FOXC1: variants seen among roughly 807,000 people sequenced by gnomAD.
The protein encoded by FOXC1 is forkhead box protein C1.
In FOXC1, 5 loss-of-function variants were observed where a neutral mutation model predicts 8.1. That is an observed-to-expected ratio of 0.62 (90% confidence interval 0.32 to 1.30). The LOEUF is 1.30. FOXC1 is among the 50% of genes most tolerant of loss of function. The pLI is 0.05. For missense variants in FOXC1, 942 were observed against 858.0 expected, an observed-to-expected ratio of 1.10 and a Z score of -1.22; for synonymous variants, 552 against 417.2, an observed-to-expected ratio of 1.32 and a Z score of -3.94.
At position 1,610,356 on chromosome 6, in the gene FOXC1, G is replaced by A. The variant is rs2113110330; in HGVS notation, c.-90G>A. 2 of 722,744 alleles carry A rather than the reference G, an allele frequency of 2.8e-6. No homozygotes were observed. Among genetic ancestry groups the A allele is most frequent in the Non-Finnish European group, 3.4e-6 (2 of 591,646 alleles). 44.8% of individuals were successfully genotyped at this position (722,744 alleles called of 1,614,324 possible). ...GGCCGGCACCAGCTCGGCCGGGCCC[G>A]GACTCGGACTCGGCGGCCGGCGCGG... On this transcript the variant is annotated 5_prime_UTR_variant, in exon 1 of 1. Coordinates refer to ENST00000645831, the MANE Select transcript of FOXC1 (RefSeq NM_001453.3).
At position 1,612,375 on chromosome 6, in the gene FOXC1, A is replaced by G; in HGVS notation, c.*268A>G. On this transcript the variant is annotated 3_prime_UTR_variant, in exon 1 of 1. Transcript: ENST00000645831. ...AACCCGTAAACTGTTTTATACAGAGACAGCAAAATCTTGGTTTATTAAAGG... is the reference window on the plus strand; with the variant it reads ...AACCCGTAAACTGTTTTATACAGAGGCAGCAAAATCTTGGTTTATTAAAGG... The G allele has an allele frequency of 1.7e-6, 1 of 592,166 alleles. No individual in the cohort carries two copies. 36.7% of individuals were successfully genotyped at this position (592,166 alleles called of 1,614,324 possible).
At position 1,611,377 on chromosome 6, in the gene FOXC1, A is replaced by G; in HGVS notation, c.932A>G (p.Asp311Gly). The G allele has an allele frequency of 6.9e-7, 1 of 1,447,602 alleles. No individual in the cohort carries two copies. Among genetic ancestry groups the G allele is most frequent in the Non-Finnish European group, 9.1e-7 (1 of 1,101,816 alleles). The allele number at this position is 1,447,602 out of a possible 1,614,324, so 89.7% of individuals were successfully genotyped here. The change falls in exon 1 of 1, where the codon GAC (aspartate) becomes GGC (glycine). Residue 311 changes from aspartate to glycine, a missense_variant. Around this residue, in one of 4 missense-constraint regions of FOXC1, gnomAD observed 726 missense variants for 599.6 expected, o/e 1.21. Coordinates refer to ENST00000645831, the MANE Select transcript of FOXC1 (RefSeq NM_001453.3). This position sits in a 1 kb window ranked among gnomAD's most constrained non-coding sequence, Gnocchi z 7.1. Reference protein sequence around the residue: ...PPHHSQGFSVDNIMTSLRGSP... With the variant: ...PPHHSQGFSVGNIMTSLRGSP... ...CACCATAGCCAGGGCTTCAGCGTGG[A>G]CAACATCATGACGTCGCTGCGGGGG...
In FOXC1 at chr6:1,610,076, C is replaced by T. The variant is rs948567781; in HGVS notation, c.-370C>T. ...TCGCCGGCAGCTCAGGGCAGAGTCT[C>T]CTGGAAGGCGCAGGCAGTGTGGCGA... On this transcript the variant is annotated 5_prime_UTR_variant, in exon 1 of 1. Transcript: ENST00000645831. 2 of 142,816 alleles carry T rather than the reference C, an allele frequency of 1.4e-5. No individual in the cohort carries two copies. Among genetic ancestry groups the T allele is most frequent in the Admixed American group, 7.0e-5 (1 of 14,286 alleles). 8.8% of individuals were successfully genotyped at this position (142,816 alleles called of 1,614,324 possible).
chr6:1,611,906 C>CGCGGCGGCG lies in FOXC1; in HGVS notation c.1473_1481dup (p.Ala493_Ala495dup), dbSNP rs747574884. ...GCGGAGACCTGGGCCACTTGGCGAG[C>CGCGGCGGCG]GCGGCGGCGGCGGCGGCGGCCGCAG... On this transcript the variant is annotated inframe_insertion, in exon 1 of 1. Coordinates refer to ENST00000645831, the MANE Select transcript of FOXC1 (RefSeq NM_001453.3). This position sits in a 1 kb window ranked among gnomAD's most constrained non-coding sequence, Gnocchi z 7.1. 158 of 1,536,666 alleles carry CGCGGCGGCG rather than the reference C, an allele frequency of 1.0e-4. No individual in the cohort carries two copies. In the South Asian group the frequency reaches 1.2e-3, roughly 11 times the overall value.
rs1762520770 is a variant in FOXC1, at chr6:1,610,703, C to T, written c.258C>T (p.Leu86=). 6.2e-7 allele frequency: 1 copy of T among 1,614,024 alleles called. No homozygotes were observed. The highest frequency in any genetic ancestry group is 1.3e-5 in the African/African-American group (1 of 75,020). ...AGCCGCCCTATAGCTACATCGCGCT[C>T]ATCACCATGGCCATCCAGAACGCCC... ...MVKPPYSYIA[L]ITMAIQNAPD... is the part of the protein sequence containing the mutation. The change falls in exon 1 of 1, where the codon CTC becomes CTT. Residue 86 remains leucine, a synonymous_variant. Coordinates refer to ENST00000645831, the MANE Select transcript of FOXC1 (RefSeq NM_001453.3).
At position 1,612,854 on chromosome 6, in the gene FOXC1, G is replaced by A. The variant is rs977543159; in HGVS notation, c.*747G>A. On this transcript the variant is annotated 3_prime_UTR_variant, in exon 1 of 1. Transcript: ENST00000645831. ...CTATATGTCTGGATACTTTAATAGAGCTTTAATTATTACGAAAAAAGATTT... is the reference window on the plus strand; with the variant it reads ...CTATATGTCTGGATACTTTAATAGAACTTTAATTATTACGAAAAAAGATTT... 3 of 212,676 alleles carry A rather than the reference G, an allele frequency of 1.4e-5. No individual in the cohort carries two copies. Among genetic ancestry groups the A allele is most frequent in the Non-Finnish European group, 2.1e-5 (2 of 96,098 alleles). The allele number at this position is 212,676 out of a possible 1,614,324, so 13.2% of individuals were successfully genotyped here. A position where few individuals can be genotyped will look rare whatever the true frequency, so the allele number is the denominator to read the frequency against.
Position 1,612,200 on chromosome 6 carries a change from AATT to A in FOXC1, c.*95_*97del. ...AATCGAAACTAAAAAAAAAAAATCC[AATT>A]AAAAAAAACCCCTGAGAATATTCAC... is the stretch of plus-strand genomic sequence containing the variant. On this transcript the variant is annotated 3_prime_UTR_variant, in exon 1 of 1. Coordinates refer to ENST00000645831, the MANE Select transcript of FOXC1 (RefSeq NM_001453.3). 1 of 1,568,576 alleles carries A rather than the reference AATT, an allele frequency of 6.4e-7. No individual in the cohort carries two copies. The highest frequency in any genetic ancestry group is 8.6e-7 in the Non-Finnish European group (1 of 1,156,864).
chr6:1,610,500 C>T lies in FOXC1; in HGVS notation c.55C>T (p.Leu19Phe), dbSNP rs1180074594. ...CAACTCCCTGGGAGTGGTGCCCTAC[C>T]TCGGCGGCGAGCAGAGCTACTACCG... ...SPNSLGVVPY[L>F]GGEQSYYRAA... The change falls in exon 1 of 1, where the codon CTC becomes TTC. Residue 19 changes from leucine to phenylalanine, a missense_variant. By Grantham distance (22) the Leu-to-Phe change is conservative. This residue lies in a region of FOXC1 where 190 missense variants were observed against 176.8 expected (regional missense o/e 1.07). Transcript: ENST00000645831. 2 of 1,506,142 alleles carry T rather than the reference C, an allele frequency of 1.3e-6. No homozygotes were observed. Among genetic ancestry groups the T allele is most frequent in the Non-Finnish European group, 1.8e-6 (2 of 1,129,150 alleles). 93.3% of individuals were successfully genotyped at this position (1,506,142 alleles called of 1,614,324 possible).
At position 1,611,470 on chromosome 6, in the gene FOXC1, C is replaced by T. The variant is rs773600190; in HGVS notation, c.1025C>T (p.Ala342Val). The T allele has an allele frequency of 1.0e-5, 14 of 1,382,522 alleles. No homozygotes were observed. Among genetic ancestry groups the T allele is most frequent in the Middle Eastern group, 2.6e-4 (1 of 3,810 alleles). 85.6% of individuals were successfully genotyped at this position (1,382,522 alleles called of 1,614,324 possible). A position where few individuals can be genotyped will look rare whatever the true frequency, so the allele number is the denominator to read the frequency against. Residue 342 changes from alanine (A) to valine (V), a missense_variant, in exon 1 of 1, where the codon GCG becomes GTG. Physicochemically the swap from Ala to Val is moderately conservative, Grantham distance 64. Transcript: ENST00000645831. This position sits in a 1 kb window ranked among gnomAD's most constrained non-coding sequence, Gnocchi z 7.1. ...LLASAAASSR[A>V]GIAPPLALGA... Reference sequence around the variant, plus strand: ...GCCTCGGCGGCCGCGTCCTCGCGCGCGGGGATCGCACCCCCGCTGGCGCTC... The same window carrying T: ...GCCTCGGCGGCCGCGTCCTCGCGCGTGGGGATCGCACCCCCGCTGGCGCTC...
rs975290027 is a variant in FOXC1 at position 1,611,584 on chromosome 6, GCGCGGGGGC to G, written c.1148_1156del (p.Ala383_Gly385del). On this transcript the variant is annotated inframe_deletion, in exon 1 of 1. Transcript: ENST00000645831. The surrounding 1 kb of genome is among the most constrained non-coding windows in gnomAD (Gnocchi z 7.1). Reference sequence around the variant, plus strand: ...GGCAGCTCGGGCGGCGGCGGCGGCGGCGCGGGGGCCGCGGGGGGCGCGGGCGGCGCCGGG... The same window carrying G: ...GGCAGCTCGGGCGGCGGCGGCGGCGGCGCGGGGGGCGCGGGCGGCGCCGGG... The G allele has an allele frequency of 1.5e-5, 18 of 1,164,172 alleles. No homozygotes were observed. Among genetic ancestry groups the G allele is most frequent in the African/African-American group, 8.2e-5 (5 of 61,164 alleles). The allele number at this position is 1,164,172 out of a possible 1,614,324, so 72.1% of individuals were successfully genotyped here.
rs1240129693 is a variant in FOXC1 at position 1,613,624 on chromosome 6, T to TC, written c.*1522dup. 1.4e-5 allele frequency: 3 copies of TC among 207,410 alleles called. No individual in the cohort carries two copies. Among genetic ancestry groups the TC allele is most frequent in the African/African-American group, 7.1e-5 (3 of 42,490 alleles). The allele number at this position is 207,410 out of a possible 1,614,324, so 12.8% of individuals were successfully genotyped here. A position where few individuals can be genotyped will look rare whatever the true frequency, so the allele number is the denominator to read the frequency against. On this transcript the variant is annotated 3_prime_UTR_variant, in exon 1 of 1. Coordinates refer to ENST00000645831, the MANE Select transcript of FOXC1 (RefSeq NM_001453.3). ...CCTAGGGGACAATCCGGATTGGCCC[T>TC]CCCCCTTTTGTAAATAACCCAGGAA...
In FOXC1 at chr6:1,610,422, G is replaced by T. The variant is rs988714318; in HGVS notation, c.-24G>T. On this transcript the variant is annotated 5_prime_UTR_variant, in exon 1 of 1. Coordinates refer to ENST00000645831, the MANE Select transcript of FOXC1 (RefSeq NM_001453.3). ...GCGAGGGTGGGGGGCGGCGGGCGGCGCGGGGCGGCGGCGAGCGGGGGCCAT... is the reference window on the plus strand; with the variant it reads ...GCGAGGGTGGGGGGCGGCGGGCGGCTCGGGGCGGCGGCGAGCGGGGGCCAT... 2.4e-6 allele frequency: 3 copies of T among 1,235,252 alleles called. No individual in the cohort carries two copies. The highest frequency in any genetic ancestry group is 1.6e-5 in the African/African-American group (1 of 62,980). 76.5% of individuals were successfully genotyped at this position (1,235,252 alleles called of 1,614,324 possible).
Position 1,612,323 on chromosome 6 carries a change from C to CT in FOXC1, c.*217dup. 1.4e-6 allele frequency: 1 copy of CT among 700,970 alleles called. No individual in the cohort carries two copies. The highest frequency in any genetic ancestry group is 2.7e-5 in the East Asian group (1 of 36,968). 43.4% of individuals were successfully genotyped at this position (700,970 alleles called of 1,614,324 possible). A position where few individuals can be genotyped will look rare whatever the true frequency, so the allele number is the denominator to read the frequency against. On this transcript the variant is annotated 3_prime_UTR_variant, in exon 1 of 1. Coordinates refer to ENST00000645831, the MANE Select transcript of FOXC1 (RefSeq NM_001453.3). ...TCTTAACCGATTAATTCAGAGCCACCTCCACTTTGCCTTGTCTAAATAAAC... is the reference window on the plus strand; with the variant it reads ...TCTTAACCGATTAATTCAGAGCCACCTTCCACTTTGCCTTGTCTAAATAAAC...
chr6:1,611,292 C>T lies in FOXC1; in HGVS notation c.847C>T (p.Leu283Phe). 1 of 1,391,538 alleles carries T rather than the reference C, an allele frequency of 7.2e-7. No homozygotes were observed. The highest frequency in any genetic ancestry group is 9.3e-7 in the Non-Finnish European group (1 of 1,074,352). The allele number at this position is 1,391,538 out of a possible 1,614,324, so 86.2% of individuals were successfully genotyped here. ...GGGCAGCCTGCCGTCGGCGCGGCCG[C>T]TCAGCCTGGACGGTGCGGATTCCGC... Reference protein sequence around the residue: ...PPGSLPSARPLSLDGADSAPP... With the variant: ...PPGSLPSARPFSLDGADSAPP... Residue 283 changes from leucine (L) to phenylalanine (F), a missense_variant, in exon 1 of 1, where the codon CTC becomes TTC. Coordinates refer to ENST00000645831, the MANE Select transcript of FOXC1 (RefSeq NM_001453.3). The surrounding 1 kb of genome is among the most constrained non-coding windows in gnomAD (Gnocchi z 7.1).
At position 1,611,961 on chromosome 6, in the gene FOXC1, T is replaced by C; in HGVS notation, c.1516T>C (p.Ser506Pro). 1 of 1,604,848 alleles carries C rather than the reference T, an allele frequency of 6.2e-7. No individual in the cohort carries two copies. Among genetic ancestry groups the C allele is most frequent in the Non-Finnish European group, 8.5e-7 (1 of 1,175,780 alleles). ...CCCGGGCCAGCAGCAGAACTTCCACTCGGTGCGGGAGATGTTCGAGTCACA... is the reference window on the plus strand; with the variant it reads ...CCCGGGCCAGCAGCAGAACTTCCACCCGGTGCGGGAGATGTTCGAGTCACA... ...GYPGQQQNFH[S>P]VREMFESQRI... is the part of the protein sequence containing the mutation. Residue 506 changes from serine (S) to proline (P), a missense_variant, in exon 1 of 1, where the codon TCG becomes CCG. This residue lies in a region of FOXC1 where 726 missense variants were observed against 599.6 expected (regional missense o/e 1.21). Transcript: ENST00000645831. This position sits in a 1 kb window ranked among gnomAD's most constrained non-coding sequence, Gnocchi z 7.1.
At position 1,610,706 on chromosome 6, in the gene FOXC1, C is replaced by T; in HGVS notation, c.261C>T (p.Ile87=). The T allele has an allele frequency of 6.2e-7, 1 of 1,614,028 alleles. No homozygotes were observed. The highest frequency in any genetic ancestry group is 8.5e-7 in the Non-Finnish European group (1 of 1,180,012). ...CGCCCTATAGCTACATCGCGCTCAT[C>T]ACCATGGCCATCCAGAACGCCCCGG... ...VKPPYSYIAL[I]TMAIQNAPDK... The change falls in exon 1 of 1, where the codon ATC becomes ATT. Residue 87 remains isoleucine (I), a synonymous_variant. Transcript: ENST00000645831.
Position 1,613,357 on chromosome 6 carries a change from TAA to T in FOXC1, c.*1251_*1252del, listed in dbSNP as rs35347817. On this transcript the variant is annotated 3_prime_UTR_variant, in exon 1 of 1. Coordinates refer to ENST00000645831, the MANE Select transcript of FOXC1 (RefSeq NM_001453.3). The stretch of plus-strand genomic sequence containing the variant: ...AAACCAGTTTTTAAATGTATGTATA[TAA>T]TTCTCCCCCATTTACAATCCTTCAT... 102 of 228,966 alleles carry T rather than the reference TAA, an allele frequency of 4.5e-4. No individual in the cohort carries two copies. The highest frequency in any genetic ancestry group is 1.9e-3 in the African/African-American group (84 of 44,322). The allele number at this position is 228,966 out of a possible 1,614,324, so 14.2% of individuals were successfully genotyped here. A position where few individuals can be genotyped will look rare whatever the true frequency, so the allele number is the denominator to read the frequency against.
chr6:1,613,729 CGGGGGGGTGGG>C lies in FOXC1; in HGVS notation c.*1626_*1636del. 1 of 61,402 alleles carries C rather than the reference CGGGGGGGTGGG, an allele frequency of 1.6e-5. No individual in the cohort carries two copies. 3.8% of individuals were successfully genotyped at this position (61,402 alleles called of 1,614,324 possible). On this transcript the variant is annotated 3_prime_UTR_variant, in exon 1 of 1. Transcript: ENST00000645831. ...AGATGGCGATTTGATTACAGACGTT[CGGGGGGGTGGG>C]GGGCTTGCAGTTTGTTTTGGAGATA...
At position 1,610,850 on chromosome 6, in the gene FOXC1, C is replaced by T. The variant is rs2230096; in HGVS notation, c.405C>T (p.Cys135=). Residue 135 remains cysteine, a synonymous_variant, in exon 1 of 1, where the codon TGC becomes TGT. Coordinates refer to ENST00000645831, the MANE Select transcript of FOXC1 (RefSeq NM_001453.3). Reference sequence around the variant, plus strand: ...GCCACAACCTCTCGCTCAACGAGTGCTTCGTCAAGGTGCCGCGCGACGACA... The same window carrying T: ...GCCACAACCTCTCGCTCAACGAGTGTTTCGTCAAGGTGCCGCGCGACGACA... ...SIRHNLSLNE[C]FVKVPRDDKK... The T allele has an allele frequency of 5.9e-3, 9,449 of 1,614,076 alleles. 384 individuals carry two copies. In the African/African-American group the frequency reaches 0.1, roughly 17 times the overall value.
Sources: allele counts gnomAD v4.1 joint callset, GRCh38; gene constraint gnomAD v4.1.1; regional missense constraint gnomAD v4.1.1; non-coding constraint Gnocchi (gnomAD v3.1); transcripts MANE v1.5; gene names NCBI Gene and HGNC (gene_info 2026-07-23, HGNC 2026-07-21).